Variants in DDX54 observed in about 807,000 individuals in gnomAD.
DDX54 encodes DEAD-box helicase 54.
DDX54 carries 67 observed loss-of-function variants against 105.5 expected under a neutral mutation model. That is an observed-to-expected ratio of 0.64 (90% CI 0.52 to 0.78). The LOEUF is 0.78. Among genes scored for constraint, DDX54 ranks in the 30% least tolerant of loss-of-function variants. The pLI is 0.00. For synonymous variants in DDX54, 514 were observed against 509.9 expected (o/e 1.01, Z -0.11); for missense variants, 1,206 against 1,230.5 (o/e 0.98, Z 0.30).
rs111479908 is a variant in DDX54, at chr12:113,185,269, C to A, written c.174+9G>T. 3 of 1,547,322 alleles carry A rather than the reference C, an allele frequency of 1.9e-6. No homozygotes were observed. Among genetic ancestry groups the A allele is most frequent in the South Asian group, 2.4e-5 (2 of 82,070 alleles). ...GGCCCGAACATGCGTCCCAGCCCCACGCGCCTACCTTCCGGGCCCGGGCGT... is the reference window on the plus strand; with the variant it reads ...GGCCCGAACATGCGTCCCAGCCCCAAGCGCCTACCTTCCGGGCCCGGGCGT... On this transcript the variant is annotated intron_variant, in intron 1 of 19. Transcript: ENST00000306014.
intron 19 of DDX54, among the ~76,000 whole-genome samples, chr12:113,160,434 TA>T (rs1261190916): frequency 2.6e-5 from 4 of 152,150 alleles, no homozygotes; most frequent in Non-Finnish European, 5.9e-5. Flanking sequence ...TCCTGGCCTG[TA>T]AAATGGGTAT....
Position 113,179,295 on chromosome 12 carries a change from C to A in DDX54, c.412G>T (p.Ala138Ser). The A allele has an allele frequency of 6.2e-7, 1 of 1,613,910 alleles. No homozygotes were observed. The highest frequency in any genetic ancestry group is 8.5e-7 in the Non-Finnish European group (1 of 1,180,028). The change falls in exon 4 of 20, where the codon GCC (alanine) becomes TCC (serine). Residue 138 changes from alanine (A) to serine (S), a missense_variant. Physicochemically the swap from Ala to Ser is moderately conservative, Grantham distance 99 (BLOSUM62 1). Around this residue, in one of 3 missense-constraint regions of DDX54, gnomAD observed 33 missense variants for 56.0 expected, o/e 0.59. Coordinates refer to ENST00000306014, the MANE Select transcript of DDX54 (RefSeq NM_024072.4). ...TTGCCACTGCCCGTCCGGGCCATGGCCACCACGTCCTTGCCATCCAAGATC... is the reference window on the plus strand; with the variant it reads ...TTGCCACTGCCCGTCCGGGCCATGGACACCACGTCCTTGCCATCCAAGATC... ...PVILDGKDVV[A>S]MARTGSGKTA...
At position 113,161,843 on chromosome 12, in the gene DDX54, T is replaced by G. The variant is rs759749534; in HGVS notation, c.2300+50A>C. On this transcript the variant is annotated intron_variant, in intron 18 of 19. Coordinates refer to ENST00000306014, the MANE Select transcript of DDX54 (RefSeq NM_024072.4). ...GGTTCCACTTAATTGAAGCTGCTCC[T>G]GCTGAAGCTCCTCGGCCCCGCCCCT... The G allele has an allele frequency of 7.6e-6, 8 of 1,046,340 alleles. No homozygotes were observed. In the Admixed American group the frequency reaches 1.7e-4, roughly 22 times the overall value. 64.8% of individuals were successfully genotyped at this position (1,046,340 alleles called of 1,614,324 possible).
intron 12 of DDX54, 48 bp from the exon 13 acceptor site, chr12:113,166,080 C>T (rs1190269605): frequency 6.4e-7 from 1 of 1,561,342 alleles, no homozygotes; most frequent in East Asian, 2.3e-5. Context: ...CCTGGCCCGC[C>T]TGTCCACTGC....
At chr12:113,184,467 T>C (rs1210751687) in intron 1 of DDX54, among the ~76,000 whole-genome samples, 4 of 152,150 alleles carry the variant, frequency 2.6e-5, no homozygotes, top group Admixed American at 1.3e-4. Context: ...TAGCACAACG[T>C]TGGTGTGAGG....
intron 2 of DDX54, 95 bp from the exon 3 acceptor site, chr12:113,180,100 T>C (rs1952449435): frequency 8.7e-7 from 1 of 1,153,654 alleles, no homozygotes; most frequent in South Asian, 1.3e-5. Flanking sequence ...TCATCAACAA[T>C]AAACAGCAAG....
At chr12:113,180,865 G>A in intron 2 of DDX54, 64 bp downstream of exon 2, 3 of 1,605,816 alleles carry the variant, frequency 1.9e-6, no homozygotes, top group Non-Finnish European at 1.7e-6. Context: ...GTGATGGAGT[G>A]CAGAGGCGGG....
intron 19 of DDX54, among the ~76,000 whole-genome samples, chr12:113,160,838 A>G (rs547946278): frequency 6.6e-5 from 10 of 152,322 alleles, no homozygotes; most frequent in African/African-American, 2.2e-4. Context: ...AGGTCGAACC[A>G]CATGCAAATG....
At chr12:113,175,390 AG>A (rs1161506981) in intron 7 of DDX54, among the ~76,000 whole-genome samples, 1 of 152,234 alleles carries the variant, frequency 6.6e-6, no homozygotes, top group African/African-American at 2.4e-5. Flanking sequence ...ACAGCAGCCC[AG>A]GCTGGCTGCA....
Position 113,172,488 on chromosome 12 carries a change from C to T in DDX54, c.1144G>A (p.Ala382Thr), listed in dbSNP as rs371262722. Residue 382 changes from alanine (A) to threonine (T), a missense_variant, in exon 11 of 20, where the codon GCC becomes ACC. This residue lies in a region of DDX54 where 961 missense variants were observed against 1,019.1 expected (regional missense o/e 0.94). Coordinates refer to ENST00000306014, the MANE Select transcript of DDX54 (RefSeq NM_024072.4). ...LDPTARKINL[A>T]KFTLGKCSTL... Reference sequence around the variant, plus strand: ...GAGCACTTGCCAAGCGTGAATTTGGCGAGATTGATCTTGCGGGCTGTCGGG... The same window carrying T: ...GAGCACTTGCCAAGCGTGAATTTGGTGAGATTGATCTTGCGGGCTGTCGGG... 31 of 1,614,118 alleles carry T rather than the reference C, an allele frequency of 1.9e-5. No homozygotes were observed. In the African/African-American group the frequency reaches 2.0e-4, roughly 10 times the overall value.
At chr12:113,173,368 G>A (rs1952360506) in intron 10 of DDX54, among the ~76,000 whole-genome samples, 2 of 152,080 alleles carry the variant, frequency 1.3e-5, no homozygotes, top group Non-Finnish European at 2.9e-5. Context: ...AAAAACAACT[G>A]TTTAAAAATT....
In DDX54 at chr12:113,157,990, CTT is replaced by C. The variant is rs901294380; in HGVS notation, c.*885_*886del. The C allele has an allele frequency of 3.6e-5, 15 of 416,860 alleles. No homozygotes were observed. Among genetic ancestry groups the C allele is most frequent in the East Asian group, 3.3e-4 (8 of 24,198 alleles). 25.8% of individuals were successfully genotyped at this position (416,860 alleles called of 1,614,324 possible). A position where few individuals can be genotyped will look rare whatever the true frequency, so the allele number is the denominator to read the frequency against. ...GGTGGTTGGGGCATGAAAAAAAACT[CTT>C]TGTCAGGTCTCAGAACAGGGTCCAT... On this transcript the variant is annotated 3_prime_UTR_variant, in exon 20 of 20. Transcript: ENST00000306014.
At chr12:113,165,618 C>T (rs749961548) in intron 14 of DDX54, 26 bp downstream of exon 14, 27 of 1,579,970 alleles carry the variant, frequency 1.7e-5, no homozygotes, top group South Asian at 4.6e-5. Context: ...GGACTCAGAG[C>T]GTGGTCTCCA....
At chr12:113,182,931 T>C (rs1471298359) in intron 1 of DDX54, among the ~76,000 whole-genome samples, 1 of 149,702 alleles carries the variant, frequency 6.7e-6, no homozygotes, top group African/African-American at 2.5e-5. Flanking sequence ...TGGAGTGCAG[T>C]GGGGCAATCA....
rs977419610 is a variant in DDX54 at position 113,180,814 on chromosome 12, C to T, written c.304+115G>A. ...GACTGGAGGACCACATCTGCTACCC[C>T]GGTCTACCCAACCACAGTGCTGGGC... On this transcript the variant is annotated intron_variant, in intron 2 of 19. Transcript: ENST00000306014. 22 of 1,535,908 alleles carry T rather than the reference C, an allele frequency of 1.4e-5. No homozygotes were observed. The African/African-American group carries it at 1.7e-4, about 12-fold the overall frequency.
intron 1 of DDX54, 131 bp from the exon 2 acceptor site, chr12:113,181,189 T>C (rs1328350884): frequency 8.7e-7 from 1 of 1,144,984 alleles, no homozygotes; most frequent in African/African-American, 1.6e-5. Context: ...TCACGTCACT[T>C]TTTTGCTAGT....
intron 9 of DDX54, 46 bp from the exon 10 acceptor site, chr12:113,174,817 A>G: frequency 6.2e-7 from 1 of 1,614,176 alleles, no homozygotes; most frequent in Non-Finnish European, 8.5e-7. Context: ...GTCCTGGCCC[A>G]GGGCCTGCAG....
rs768555932 is a variant in DDX54 at position 113,159,060 on chromosome 12, C to G, written c.2463G>C (p.Pro821=). 6.2e-7 allele frequency: 1 copy of G among 1,609,028 alleles called. No homozygotes were observed. The highest frequency in any genetic ancestry group is 8.5e-7 in the Non-Finnish European group (1 of 1,178,256). The change falls in exon 20 of 20, where the codon CCG becomes CCC. Residue 821 remains proline (P), a synonymous_variant. Coordinates refer to ENST00000306014, the MANE Select transcript of DDX54 (RefSeq NM_024072.4). The part of the protein sequence containing the change: ...APGTPAGRVR[P]ELKTKQQILK... ...GGATCTGCTGCTTGGTCTTGAGTTCCGGGCGGACTCGGCCTGCAGGGGTGC... is the reference window on the plus strand; with the variant it reads ...GGATCTGCTGCTTGGTCTTGAGTTCGGGGCGGACTCGGCCTGCAGGGGTGC...
chr12:113,182,876 C>CTTTT (rs879610774), intron 1 of DDX54, among the ~76,000 whole-genome samples: 4 of 134,632 alleles, frequency 3.0e-5, no homozygotes, highest in African/African-American at 1.1e-4. Context: ...CTTTTCAACA[C>CTTTT]TTTTTTTTTT....
Sources: allele counts gnomAD v4.1 joint callset (sites outside exome capture counted in the v4.1 genomes callset), GRCh38; gene constraint gnomAD v4.1.1; regional missense constraint gnomAD v4.1.1; transcripts MANE v1.5; gene names NCBI Gene and HGNC (gene_info 2026-07-23, HGNC 2026-07-21).